Variants in FBXL7 observed in about 807,000 individuals in gnomAD.
FBXL7 encodes F-box/LRR-repeat protein 7.
A neutral mutation model predicts 38.3 loss-of-function variants in FBXL7; 12 were observed. The ratio of observed to expected loss-of-function variants is 0.31; its 90% CI spans 0.20 to 0.51. The LOEUF is 0.51. Ranked by LOEUF, FBXL7 falls within the 20% of genes least tolerant of loss-of-function variation. The probability of loss-of-function intolerance (pLI) is 0.98; values close to 1 mark genes in which losing one functional copy is unlikely to be tolerated. For synonymous variants in FBXL7, 297 were observed against 300.9 expected, an observed-to-expected ratio of 0.99 and a Z score of 0.13; for missense variants, 567 against 676.4, an observed-to-expected ratio of 0.84 and a Z score of 1.79.
chr5:15,884,280 T>C (rs2126347211), intron 2 of FBXL7, among the ~76,000 whole-genome samples: 1 of 121,238 alleles, frequency 8.2e-6, no homozygotes, highest in African/African-American at 3.0e-5. Flanking sequence ...TTCTTCTTTT[T>C]TTTTGAGATG....
At chr5:15,754,535 G>A (rs760501009) in intron 2 of FBXL7, among the ~76,000 whole-genome samples, 1 of 152,028 alleles carries the variant, frequency 6.6e-6, no homozygotes, top group Non-Finnish European at 1.5e-5. Flanking sequence ...ATTGGATACG[G>A]GAAAAAGAAG....
chr5:15,646,297 C>T (rs1741532584), intron 2 of FBXL7, among the ~76,000 whole-genome samples: 1 of 151,974 alleles, frequency 6.6e-6, no homozygotes, highest in African/African-American at 2.4e-5. Flanking sequence ...TTGTTATTTC[C>T]CCATTTTACA....
At chr5:15,662,700 C>A (rs1561075043) in intron 2 of FBXL7, among the ~76,000 whole-genome samples, 1 of 152,070 alleles carries the variant, frequency 6.6e-6, no homozygotes, top group Non-Finnish European at 1.5e-5. Context: ...AGGAGACCAG[C>A]TTCAATCTTC....
intron 2 of FBXL7, among the ~76,000 whole-genome samples, chr5:15,922,723 A>G (rs1741775744): frequency 6.6e-6 from 1 of 152,130 alleles, no homozygotes; most frequent in Admixed American, 6.6e-5. Context: ...ATTACCACTC[A>G]TGCATCTCAC....
At position 15,754,091 on chromosome 5, in the gene FBXL7, A is replaced by T. The variant is rs548542745; in HGVS notation, c.127+138019A>T. Among the ~76,000 whole-genome samples, 63 of 152,302 alleles carry T rather than the reference A, an allele frequency of 4.1e-4. 1 individual carries two copies. Among genetic ancestry groups the T allele is most frequent in the Non-Finnish European group, 7.5e-4 (51 of 68,022 alleles). On this transcript the variant is annotated intron_variant, in intron 2 of 3. Coordinates refer to ENST00000504595, the MANE Select transcript of FBXL7 (RefSeq NM_012304.5). ...CCATATTCAGTAAAGCTTGGGTGGA[A>T]ATCTGCAAATTTGCCTGTCTAACAT...
chr5:15,544,017 G>A (rs942172369), intron 1 of FBXL7, among the ~76,000 whole-genome samples: 9 of 152,142 alleles, frequency 5.9e-5, no homozygotes, highest in African/African-American at 1.7e-4. Context: ...TGTAAGACAC[G>A]CAGACCGAGA....
At chr5:15,660,218 A>G (rs2126582954) in intron 2 of FBXL7, among the ~76,000 whole-genome samples, 1 of 152,290 alleles carries the variant, frequency 6.6e-6, no homozygotes, top group Middle Eastern at 3.4e-3. Context: ...TGCCCTCTGT[A>G]AGTTTCCTGC....
At chr5:15,760,934 A>C (rs1736423507) in intron 2 of FBXL7, among the ~76,000 whole-genome samples, 1 of 151,952 alleles carries the variant, frequency 6.6e-6, no homozygotes, top group Non-Finnish European at 1.5e-5. Context: ...TTAAAGAATG[A>C]GACAGAAAAA....
chr5:15,842,495 A>T (rs1738776747), intron 2 of FBXL7, among the ~76,000 whole-genome samples: 1 of 152,136 alleles, frequency 6.6e-6, no homozygotes, highest in African/African-American at 2.4e-5. Context: ...ATGAGTTAAG[A>T]CTTTGGGTGA....
At chr5:15,903,945 C>G (rs1205697916) in intron 2 of FBXL7, among the ~76,000 whole-genome samples, 1 of 151,822 alleles carries the variant, frequency 6.6e-6, no homozygotes, top group Admixed American at 6.6e-5. Flanking sequence ...TTTTTTATAG[C>G]CTATGGTAAG....
intron 2 of FBXL7, among the ~76,000 whole-genome samples, chr5:15,819,482 G>T (rs2126762494): frequency 6.6e-6 from 1 of 152,254 alleles, no homozygotes; most frequent in Admixed American, 6.5e-5. Flanking sequence ...AAGCATTTGT[G>T]TACTGCATTC....
chr5:15,601,119 T>G (rs901616433), intron 1 of FBXL7, among the ~76,000 whole-genome samples: 2 of 152,200 alleles, frequency 1.3e-5, no homozygotes, highest in African/African-American at 4.8e-5. Context: ...CAGTTATGGA[T>G]TTATTGACAC....
rs7728099 is a variant in FBXL7, at chr5:15,766,228, C to G, written c.127+150156C>G. ...GGCCTCCTAGCCTTCCATGAAACTTCTTTTCCCTCATCCCAAAGGCAGAGT... is the reference window on the plus strand; with the variant it reads ...GGCCTCCTAGCCTTCCATGAAACTTGTTTTCCCTCATCCCAAAGGCAGAGT... On this transcript the variant is annotated intron_variant, in intron 2 of 3. Transcript: ENST00000504595. Among the ~76,000 whole-genome samples, 352 of 152,272 alleles carry G rather than the reference C, an allele frequency of 2.3e-3. 3 individuals carry two copies. The highest frequency in any genetic ancestry group is 8.1e-3 in the African/African-American group (338 of 41,570).
At chr5:15,772,237 G>A (rs949734639) in intron 2 of FBXL7, among the ~76,000 whole-genome samples, 1 of 152,150 alleles carries the variant, frequency 6.6e-6, no homozygotes, top group Non-Finnish European at 1.5e-5. Context: ...ACTTAATGGT[G>A]CAGGGTAGTT....
chr5:15,808,413 G>A (rs1489913789), intron 2 of FBXL7, among the ~76,000 whole-genome samples: 2 of 152,034 alleles, frequency 1.3e-5, no homozygotes, highest in African/African-American at 2.4e-5. Flanking sequence ...ACTTGCGATA[G>A]CCAATGAGGG....
intron 3 of FBXL7, among the ~76,000 whole-genome samples, chr5:15,934,541 C>T (rs1055098769): frequency 3.3e-5 from 5 of 151,694 alleles, no homozygotes; most frequent in South Asian, 2.1e-4. Flanking sequence ...AGATTAGAAA[C>T]GATGTTTAGA....
intron 2 of FBXL7, among the ~76,000 whole-genome samples, chr5:15,649,199 G>A (rs113555853): frequency 0.025 from 3,733 of 152,114 alleles, 45 homozygotes; most frequent in Admixed American, 0.036. Flanking sequence ...GTTTCACCAC[G>A]TTGGCCAGGC....
intron 2 of FBXL7, among the ~76,000 whole-genome samples, chr5:15,620,942 T>A (rs536912866): frequency 2.0e-5 from 3 of 152,336 alleles, no homozygotes; most frequent in African/African-American, 7.2e-5. Flanking sequence ...GACATCGAAT[T>A]TATCCACTCC....
chr5:15,615,900 G>T, intron 1 of FBXL7, 83 bp from the exon 2 acceptor site: 1 of 834,460 alleles, frequency 1.2e-6, no homozygotes. Context: ...CTGGTGATAT[G>T]GCTTGCTGTG....
Sources: gnomAD v4.1 joint callset for allele counts (sites outside exome capture counted in the v4.1 genomes callset) on GRCh38, gnomAD v4.1.1 for gene constraint, MANE v1.5 for transcripts, NCBI Gene and HGNC (gene_info 2026-07-23, HGNC 2026-07-21) for gene names.